PLIN5: variants seen among roughly 807,000 people sequenced by gnomAD.
PLIN5 encodes perilipin-5.
Under a neutral mutation model 32.8 loss-of-function variants are expected in PLIN5, and 34 were observed. The ratio of observed to expected loss-of-function variants is 1.04; its 90% CI spans 0.79 to 1.38. The LOEUF is 1.38. Among genes scored for constraint, PLIN5 ranks in the 40% most tolerant of loss-of-function variants. The pLI is 0.00. For synonymous variants in PLIN5, 309 were observed against 292.9 expected, an observed-to-expected ratio of 1.05 and a Z score of -0.56; for missense variants, 712 against 660.5, an observed-to-expected ratio of 1.08 and a Z score of -0.85.
intron 3 of PLIN5, among the ~76,000 whole-genome samples, chr19:4,531,313 A>ATT (rs200513383): frequency 4.0e-5 from 6 of 150,148 alleles, no homozygotes; most frequent in African/African-American, 9.8e-5. Flanking sequence ...TTAAAAAAAA[A>ATT]ATTTTTTTTT....
chr19:4,529,210 C>T lies in PLIN5; in HGVS notation c.383G>A (p.Gly128Asp). The change falls in exon 5 of 8, where the codon GGT (glycine) becomes GAT (aspartate). Residue 128 changes from glycine to aspartate, a missense_variant. Coordinates refer to ENST00000381848, the MANE Select transcript of PLIN5 (RefSeq NM_001013706.3). ...GCCCCTCCGGGCCAGGTCCACCACACCCGTGACACTGCTGGCCACCACGTC... is the reference window on the plus strand; with the variant it reads ...GCCCCTCCGGGCCAGGTCCACCACATCCGTGACACTGCTGGCCACCACGTC... ...AKDVVASSVT[G>D]VVDLARRGRR... 1 of 1,612,032 alleles carries T rather than the reference C, an allele frequency of 6.2e-7. No individual in the cohort carries two copies. Among genetic ancestry groups the T allele is most frequent in the East Asian group, 2.2e-5 (1 of 44,738 alleles).
In PLIN5 at chr19:4,522,906, G is replaced by A. The variant is rs1220832080; in HGVS notation, c.*622C>T. 6.6e-6 allele frequency: 1 copy of A among 151,826 alleles called. No individual in the cohort carries two copies. Among genetic ancestry groups the A allele is most frequent in the Non-Finnish European group, 1.5e-5 (1 of 68,004 alleles). The allele number at this position is 151,826 out of a possible 1,614,324, so 9.4% of individuals were successfully genotyped here. On this transcript the variant is annotated 3_prime_UTR_variant, in exon 8 of 8. Transcript: ENST00000381848. Reference sequence around the variant, plus strand: ...ATTGGGCAAAATGTGTATTTCTTCGGGAGGCTGTTACTATTATTTTTTGTT... The same window carrying A: ...ATTGGGCAAAATGTGTATTTCTTCGAGAGGCTGTTACTATTATTTTTTGTT...
At chr19:4,531,588 C>T in intron 3 of PLIN5, 39 bp downstream of exon 3, 1 of 1,461,946 alleles carries the variant, frequency 6.8e-7, no homozygotes, top group Non-Finnish European at 9.0e-7. Context: ...GGGGGGGTGG[C>T]AAGCCACAGC....
intron 5 of PLIN5, among the ~76,000 whole-genome samples, chr19:4,527,734 A>G (rs1039181607): frequency 2.0e-5 from 3 of 148,458 alleles, no homozygotes; most frequent in Non-Finnish European, 3.0e-5. Context: ...AATCCCAGCT[A>G]CTTGGGAGGC....
chr19:4,529,630 C>CAT, intron 4 of PLIN5, 154 bp downstream of exon 4: 4 of 556,904 alleles, frequency 7.2e-6, no homozygotes, highest in Non-Finnish European at 1.3e-5. Flanking sequence ...CACACACACA[C>CAT]ACACACACAC....
rs1976790066 is a variant in PLIN5, at chr19:4,525,599, C to T, written c.720+34G>A. 5 of 1,607,076 alleles carry T rather than the reference C, an allele frequency of 3.1e-6. No individual in the cohort carries two copies. Among genetic ancestry groups the T allele is most frequent in the Non-Finnish European group, 3.4e-6 (4 of 1,179,046 alleles). Reference sequence around the variant, plus strand: ...TGCTCAATCCATACTGATTGGCCTGCATCCCGGAGCAGGGGCGGGCAGCGG... The same window carrying T: ...TGCTCAATCCATACTGATTGGCCTGTATCCCGGAGCAGGGGCGGGCAGCGG... On this transcript the variant is annotated intron_variant, in intron 6 of 7. Transcript: ENST00000381848. This position sits in a 1 kb window ranked among gnomAD's most constrained non-coding sequence, Gnocchi z 5.6.
In PLIN5 at chr19:4,525,501, C is replaced by CAT. The variant is rs1976788937; in HGVS notation, c.720+130_720+131dup. 4 of 1,126,438 alleles carry CAT rather than the reference C, an allele frequency of 3.6e-6. No homozygotes were observed. The East Asian group carries it at 1.0e-4, about 29-fold the overall frequency. The allele number at this position is 1,126,438 out of a possible 1,614,324, so 69.8% of individuals were successfully genotyped here. A position where few individuals can be genotyped will look rare whatever the true frequency, so the allele number is the denominator to read the frequency against. On this transcript the variant is annotated intron_variant, in intron 6 of 7. Transcript: ENST00000381848. This position sits in a 1 kb window ranked among gnomAD's most constrained non-coding sequence, Gnocchi z 5.6. ...GGCCCGGGTCCCCCAGCCCTGAACA[C>CAT]ATGCAGCTGGAGACAGCTGCACCCA...
chr19:4,529,586 AC>A (rs1976855708), intron 4 of PLIN5, 197 bp downstream of exon 4: 7 of 510,210 alleles, frequency 1.4e-5, no homozygotes, highest in Middle Eastern at 4.9e-4. Context: ...ACATATATAC[AC>A]TATACGTATA....
chr19:4,524,889 C>T, intron 7 of PLIN5, 74 bp downstream of exon 7: 1 of 1,312,584 alleles, frequency 7.6e-7, no homozygotes, highest in Admixed American at 2.6e-5. Context: ...GGCTGACCCG[C>T]AGTCCGTCGC....
At position 4,525,200 on chromosome 19, in the gene PLIN5, G is replaced by A; in HGVS notation, c.721-124C>T. On this transcript the variant is annotated intron_variant, in intron 6 of 7. Transcript: ENST00000381848. This position sits in a 1 kb window ranked among gnomAD's most constrained non-coding sequence, Gnocchi z 5.6. ...TTAGGAGACCGAGGCAGGTTGTGCAGGGCCGTGGGGAAGACTTGGGCTTGG... is the reference window on the plus strand; with the variant it reads ...TTAGGAGACCGAGGCAGGTTGTGCAAGGCCGTGGGGAAGACTTGGGCTTGG... 4.8e-6 allele frequency: 3 copies of A among 627,436 alleles called. No individual in the cohort carries two copies. Among genetic ancestry groups the A allele is most frequent in the Non-Finnish European group, 8.0e-6 (3 of 375,462 alleles). 38.9% of individuals were successfully genotyped at this position (627,436 alleles called of 1,614,324 possible). A position where few individuals can be genotyped will look rare whatever the true frequency, so the allele number is the denominator to read the frequency against.
intron 4 of PLIN5, 145 bp from the exon 5 acceptor site, chr19:4,529,398 A>T: frequency 1.2e-6 from 1 of 860,026 alleles, no homozygotes; most frequent in Non-Finnish European, 1.8e-6. Context: ...TGGGTGATAA[A>T]ACCCTTCCCT....
At position 4,523,396 on chromosome 19, in the gene PLIN5, G is replaced by A. The variant is rs1278818805; in HGVS notation, c.*132C>T. On this transcript the variant is annotated 3_prime_UTR_variant, in exon 8 of 8. Coordinates refer to ENST00000381848, the MANE Select transcript of PLIN5 (RefSeq NM_001013706.3). The surrounding 1 kb of genome is among the most constrained non-coding windows in gnomAD (Gnocchi z 5.0). ...GAGTCCAATACCAAAAAGGTGGTCA[G>A]AGATCCGGAGTTGGGCCTGATTCCA... is the stretch of plus-strand genomic sequence containing the variant. The A allele has an allele frequency of 1.9e-6, 2 of 1,071,166 alleles. No individual in the cohort carries two copies. Among genetic ancestry groups the A allele is most frequent in the Non-Finnish European group, 2.6e-6 (2 of 773,032 alleles). The allele number at this position is 1,071,166 out of a possible 1,614,324, so 66.4% of individuals were successfully genotyped here.
intron 1 of PLIN5, 99 bp from the exon 2 acceptor site, chr19:4,534,194 T>A (rs1976921082): frequency 1.1e-6 from 1 of 948,952 alleles, no homozygotes; most frequent in Non-Finnish European, 1.6e-6. Flanking sequence ...TCTTGGGGCC[T>A]CAGTTTCTTC....
intron 4 of PLIN5, chr19:4,529,572 A>T (rs1201592160): frequency 1.9e-6 from 1 of 513,424 alleles, no homozygotes; most frequent in Non-Finnish European, 3.5e-6. Context: ...TTATACGTAT[A>T]TATACATATA....
chr19:4,527,356 G>A (rs1379782130), intron 5 of PLIN5, among the ~76,000 whole-genome samples: 1 of 151,612 alleles, frequency 6.6e-6, no homozygotes, highest in Non-Finnish European at 1.5e-5. Flanking sequence ...ACAGGCGTAA[G>A]CCACCGCGCC....
At chr19:4,524,381 G>A (rs1568242969) in intron 7 of PLIN5, among the ~76,000 whole-genome samples, 2 of 152,104 alleles carry the variant, frequency 1.3e-5, no homozygotes, top group African/African-American at 4.8e-5. Flanking sequence ...GCGAAACCCC[G>A]TATCTACCAA....
Position 4,523,529 on chromosome 19 carries a change from C to G in PLIN5, c.1391G>C (p.Ter464SerextTer26), listed in dbSNP as rs1241270471. Reference protein sequence around the residue: ...KHTLMPELDF* With the variant: ...KHTLMPELDFS ...TCCCCGCCTCCACTGGCCCATGGGT[C>G]AGAAGTCCAGCTCGGGCATCAGGGT... The change falls in exon 8 of 8, where the codon TGA becomes TCA. Residue 464 changes from the stop codon to serine (S), a stop_lost. Transcript: ENST00000381848. This position sits in a 1 kb window ranked among gnomAD's most constrained non-coding sequence, Gnocchi z 5.0. 6.4e-7 allele frequency: 1 copy of G among 1,556,760 alleles called. No individual in the cohort carries two copies. Among genetic ancestry groups the G allele is most frequent in the Non-Finnish European group, 8.7e-7 (1 of 1,148,318 alleles).
chr19:4,531,709 G>A lies in PLIN5; in HGVS notation c.174C>T (p.Arg58=), dbSNP rs377467819. The change falls in exon 3 of 8, where the codon CGC becomes CGT. Residue 58 remains arginine (R), a synonymous_variant. Coordinates refer to ENST00000381848, the MANE Select transcript of PLIN5 (RefSeq NM_001013706.3). Reference sequence around the variant, plus strand: ...GGCCGCACACGCAGTTCTCAGCCAGGCGGCAGGCGGAGCCCAGCAGCGGGT... The same window carrying A: ...GGCCGCACACGCAGTTCTCAGCCAGACGGCAGGCGGAGCCCAGCAGCGGGT... ...DRHPLLGSAC[R]LAENCVCGLT... is the part of the protein sequence containing the mutation. The A allele has an allele frequency of 2.5e-6, 4 of 1,580,460 alleles. No individual in the cohort carries two copies. Among genetic ancestry groups the A allele is most frequent in the Non-Finnish European group, 3.4e-6 (4 of 1,167,068 alleles).
In PLIN5 at chr19:4,525,897, G is replaced by A. The variant is rs533562725; in HGVS notation, c.521-65C>T. On this transcript the variant is annotated intron_variant, in intron 5 of 7. Transcript: ENST00000381848. The surrounding 1 kb of genome is among the most constrained non-coding windows in gnomAD (Gnocchi z 5.6). ...CGGGGACAGCACGGGGACAGGATAC[G>A]GGGACAGCACGGGGACAGGATACGG... 1.1e-4 allele frequency: 58 copies of A among 527,454 alleles called. No individual in the cohort carries two copies. In the East Asian group the frequency reaches 1.5e-3, roughly 13 times the overall value. 32.7% of individuals were successfully genotyped at this position (527,454 alleles called of 1,614,324 possible). A position where few individuals can be genotyped will look rare whatever the true frequency, so the allele number is the denominator to read the frequency against.
Sources: gnomAD v4.1 joint callset for allele counts (sites outside exome capture counted in the v4.1 genomes callset) on GRCh38, gnomAD v4.1.1 for gene constraint, Gnocchi (gnomAD v3.1) non-coding constraint, MANE v1.5 for transcripts, NCBI Gene and HGNC (gene_info 2026-07-23, HGNC 2026-07-21) for gene names.